The following RBBP5 variants were observed in gnomAD, a reference collection of about 807,000 sequenced individuals.
RBBP5 encodes the protein RB binding protein 5, histone lysine methyltransferase complex subunit.
In RBBP5, 5 loss-of-function variants were observed where a neutral mutation model predicts 72.2. The ratio of observed to expected loss-of-function variants is 0.07; its 90% confidence interval spans 0.04 to 0.15. The LOEUF (loss-of-function observed/expected upper bound fraction) is 0.15, where lower values mean the gene tolerates loss of function less well. RBBP5 is among the 10% of genes least tolerant of loss of function. RBBP5 has a pLI of 1.00. For missense variants in RBBP5, 322 were observed against 652.2 expected (o/e 0.49, Z 5.51); for synonymous variants, 209 against 237.2 (o/e 0.88, Z 1.09).
At position 205,118,756 on chromosome 1, in the gene RBBP5, C is replaced by T. The variant is rs189998972; in HGVS notation, c.20-2873G>A. Reference sequence around the variant, plus strand: ...GTGAACTGTGATAGAATATATATTTCTTACTGTGATTTGTGGTAAAAATAA... The same window carrying T: ...GTGAACTGTGATAGAATATATATTTTTTACTGTGATTTGTGGTAAAAATAA... On this transcript the variant is annotated intron_variant, in intron 1 of 13. Transcript: ENST00000264515. 4.1e-3 allele frequency among the ~76,000 whole-genome samples: 619 copies of T among 152,270 alleles called. 5 individuals are homozygous for T. Among genetic ancestry groups the T allele is most frequent in the Non-Finnish European group, 5.8e-3 (393 of 68,016 alleles).
At chr1:205,094,676 C>T (rs1046457719) in intron 13 of RBBP5, among the ~76,000 whole-genome samples, 197 bp downstream of exon 13, 2 of 152,114 alleles carry the variant, frequency 1.3e-5, no homozygotes, top group Non-Finnish European at 2.9e-5. Context: ...TATTTACAGA[C>T]CCAAGGTTAA....
At chr1:205,096,195 AAAAATAAAAT>A (rs1202218098) in intron 12 of RBBP5, among the ~76,000 whole-genome samples, 2 of 152,136 alleles carry the variant, frequency 1.3e-5, no homozygotes, top group South Asian at 2.1e-4. Context: ...CCTGTCTCAA[AAAAATAAAAT>A]AAAATAAAAT....
In RBBP5 at chr1:205,099,620, T is replaced by C; in HGVS notation, c.978+121A>G. 1.9e-6 allele frequency: 2 copies of C among 1,074,226 alleles called. No individual in the cohort carries two copies. The highest frequency in any genetic ancestry group is 2.7e-6 in the Non-Finnish European group (2 of 741,874). 66.5% of individuals were successfully genotyped at this position (1,074,226 alleles called of 1,614,324 possible). ...CTAGATGCACTGAACCTATGTAATT[T>C]AGGTTGCGAGAATCATATGCAAAAG... On this transcript the variant is annotated intron_variant, in intron 9 of 13. Coordinates refer to ENST00000264515, the MANE Select transcript of RBBP5 (RefSeq NM_005057.4). The surrounding 1 kb of genome is among the most constrained non-coding windows in gnomAD (Gnocchi z 4.7).
chr1:205,086,648 G>A lies in RBBP5; in HGVS notation c.*2139C>T, dbSNP rs1366704836. The A allele has an allele frequency of 6.6e-6, 1 of 152,128 alleles. No homozygotes were observed. The highest frequency in any genetic ancestry group is 1.5e-5 in the Non-Finnish European group (1 of 68,014). 9.4% of individuals were successfully genotyped at this position (152,128 alleles called of 1,614,324 possible). Reference sequence around the variant, plus strand: ...CAAATAATTCAAATTGAAATGGATAGAAGGTTTTTTAAAAGTTGAAAAAAA... The same window carrying A: ...CAAATAATTCAAATTGAAATGGATAAAAGGTTTTTTAAAAGTTGAAAAAAA... On this transcript the variant is annotated 3_prime_UTR_variant, in exon 14 of 14. Transcript: ENST00000264515.
At position 205,105,173 on chromosome 1, in the gene RBBP5, G is replaced by A. The variant is rs760678408; in HGVS notation, c.219-5C>T. The A allele has an allele frequency of 3.1e-6, 5 of 1,598,604 alleles. 1 individual carries two copies. In the South Asian group the frequency reaches 3.3e-5, roughly 11 times the overall value. ...TTATGACCATCTCGGCTCCAGCTGA[G>A]GAAAAAAAAGGGGTAATTTAGCACA... On this transcript the variant is annotated splice_polypyrimidine_tract_variant and splice_region_variant and intron_variant, in intron 3 of 13. Coordinates refer to ENST00000264515, the MANE Select transcript of RBBP5 (RefSeq NM_005057.4).
Position 205,099,701 on chromosome 1 carries a change from G to C in RBBP5, c.978+40C>G, listed in dbSNP as rs753935678. ...GTATAAGGTTCTTTGATAAAAAGAAGGGGTAACTAGTTTCGAAGCAAGTAA... is the reference window on the plus strand; with the variant it reads ...GTATAAGGTTCTTTGATAAAAAGAACGGGTAACTAGTTTCGAAGCAAGTAA... On this transcript the variant is annotated intron_variant, in intron 9 of 13. Coordinates refer to ENST00000264515, the MANE Select transcript of RBBP5 (RefSeq NM_005057.4). This position sits in a 1 kb window ranked among gnomAD's most constrained non-coding sequence, Gnocchi z 4.7. The C allele has an allele frequency of 6.5e-7, 1 of 1,532,842 alleles. No individual in the cohort carries two copies. The highest frequency in any genetic ancestry group is 9.0e-7 in the Non-Finnish European group (1 of 1,116,006). The allele number at this position is 1,532,842 out of a possible 1,614,324, so 95.0% of individuals were successfully genotyped here.
intron 1 of RBBP5, among the ~76,000 whole-genome samples, chr1:205,117,128 T>C (rs926912385): frequency 3.3e-5 from 5 of 152,004 alleles, no homozygotes; most frequent in African/African-American, 1.2e-4. Context: ...CTTGGCTCAC[T>C]GCAACATCTG....
chr1:205,120,528 G>T (rs547627821), intron 1 of RBBP5, among the ~76,000 whole-genome samples: 5 of 152,186 alleles, frequency 3.3e-5, no homozygotes, highest in Admixed American at 2.6e-4. Context: ...TCCACTTAAG[G>T]CCGGACACTT....
intron 12 of RBBP5, among the ~76,000 whole-genome samples, chr1:205,095,990 C>T (rs575231535): frequency 3.9e-5 from 6 of 152,060 alleles, no homozygotes; most frequent in South Asian, 2.1e-4. Flanking sequence ...GTCTGGAGTT[C>T]GAGACCAGCC....
At position 205,088,331 on chromosome 1, in the gene RBBP5, T is replaced by C; in HGVS notation, c.*456A>G. On this transcript the variant is annotated 3_prime_UTR_variant, in exon 14 of 14. Transcript: ENST00000264515. ...AGAGGAGAAGTTTAAAATGAGAGTA[T>C]CCAACAAAAGCTTTCCTAGGATACC... The C allele has an allele frequency of 6.3e-6, 1 of 157,902 alleles. No homozygotes were observed. Among genetic ancestry groups the C allele is most frequent in the Non-Finnish European group, 1.4e-5 (1 of 71,586 alleles). 9.8% of individuals were successfully genotyped at this position (157,902 alleles called of 1,614,324 possible). A position where few individuals can be genotyped will look rare whatever the true frequency, so the allele number is the denominator to read the frequency against.
At chr1:205,106,457 C>T (rs956613930) in intron 3 of RBBP5, among the ~76,000 whole-genome samples, 7 of 152,058 alleles carry the variant, frequency 4.6e-5, no homozygotes, top group Non-Finnish European at 1.0e-4. Context: ...ATTAGCCGGG[C>T]ATGGTGGTGT....
chr1:205,094,381 T>G (rs562691964), intron 13 of RBBP5, among the ~76,000 whole-genome samples: 1 of 152,172 alleles, frequency 6.6e-6, no homozygotes. Flanking sequence ...CCTGTGGGAT[T>G]TGAACAATTT....
At position 205,095,078 on chromosome 1, in the gene RBBP5, A is replaced by G; in HGVS notation, c.1397-14T>C. On this transcript the variant is annotated splice_polypyrimidine_tract_variant and intron_variant, in intron 12 of 13. Transcript: ENST00000264515. Reference sequence around the variant, plus strand: ...GTGGATGGACTTCTGTAGGACAGACAGGCATGGAAAGGAATCCACATGACA... The same window carrying G: ...GTGGATGGACTTCTGTAGGACAGACGGGCATGGAAAGGAATCCACATGACA... The G allele has an allele frequency of 1.9e-6, 3 of 1,613,070 alleles. No individual in the cohort carries two copies. The highest frequency in any genetic ancestry group is 2.5e-6 in the Non-Finnish European group (3 of 1,179,196).
At chr1:205,106,234 T>A (rs1304199050) in intron 3 of RBBP5, among the ~76,000 whole-genome samples, 1 of 152,146 alleles carries the variant, frequency 6.6e-6, no homozygotes, top group East Asian at 1.9e-4. Context: ...CCTCTGGGAA[T>A]AACAAGATGG....
intron 3 of RBBP5, among the ~76,000 whole-genome samples, chr1:205,110,832 G>A (rs1656281967): frequency 6.6e-6 from 1 of 152,168 alleles, no homozygotes; most frequent in African/African-American, 2.4e-5. Flanking sequence ...GGGAGGCCAA[G>A]GCAGGCAGAT....
intron 10 of RBBP5, 126 bp downstream of exon 10, chr1:205,098,863 A>G (rs1287372664): frequency 1.8e-6 from 1 of 552,890 alleles, no homozygotes; most frequent in Non-Finnish European, 3.0e-6. Context: ...AAAAAAAAAA[A>G]AGTGTGGGGT....
In RBBP5 at chr1:205,087,003, T is replaced by G. The variant is rs1024953329; in HGVS notation, c.*1784A>C. The G allele has an allele frequency of 6.6e-6, 1 of 152,184 alleles. No homozygotes were observed. The highest frequency in any genetic ancestry group is 1.5e-5 in the Non-Finnish European group (1 of 68,036). 9.4% of individuals were successfully genotyped at this position (152,184 alleles called of 1,614,324 possible). ...AAATGAATATTTAAGAAAAAAGTAGTGGCATCTAAAAATATAGACGTTTTG... is the reference window on the plus strand; with the variant it reads ...AAATGAATATTTAAGAAAAAAGTAGGGGCATCTAAAAATATAGACGTTTTG... On this transcript the variant is annotated 3_prime_UTR_variant, in exon 14 of 14. Coordinates refer to ENST00000264515, the MANE Select transcript of RBBP5 (RefSeq NM_005057.4).
At chr1:205,100,095 T>C in intron 7 of RBBP5, 31 bp from the exon 8 acceptor site, 1 of 1,613,596 alleles carries the variant, frequency 6.2e-7, no homozygotes, top group Non-Finnish European at 8.5e-7. Flanking sequence ...CAAGGAGAGC[T>C]GGAACTCAAG....
chr1:205,105,219 A>T, intron 3 of RBBP5, 51 bp from the exon 4 acceptor site: 1 of 1,566,660 alleles, frequency 6.4e-7, no homozygotes. Flanking sequence ...ATATCATACC[A>T]CTCTCATGAA....
Sources: gnomAD v4.1 joint callset for allele counts (sites outside exome capture counted in the v4.1 genomes callset) on GRCh38, gnomAD v4.1.1 for gene constraint, Gnocchi (gnomAD v3.1) non-coding constraint, MANE v1.5 for transcripts, NCBI Gene and HGNC (gene_info 2026-07-23, HGNC 2026-07-21) for gene names.